The following TACR3 variants were observed in gnomAD, a reference collection of about 807,000 sequenced individuals.
TACR3 encodes tachykinin receptor 3, also known as neuromedin-K receptor.
In TACR3, 34 loss-of-function variants were observed where a neutral mutation model predicts 35.0. The observed-to-expected ratio is 0.97, with a 90% CI of 0.74 to 1.30. TACR3 has a LOEUF of 1.30. Ranked by LOEUF, TACR3 falls within the 50% of genes most tolerant of loss-of-function variation. TACR3 has a pLI of 0.00. For missense variants in TACR3, 558 were observed against 591.7 expected, an observed-to-expected ratio of 0.94 and a Z score of 0.59; for synonymous variants, 233 against 221.1, an observed-to-expected ratio of 1.05 and a Z score of -0.48.
At chr4:103,660,541 C>T (rs183714653) in intron 1 of TACR3, among the ~76,000 whole-genome samples, 39 of 152,052 alleles carry the variant, frequency 2.6e-4, no homozygotes, top group Admixed American at 2.6e-3. Flanking sequence ...CACACACACA[C>T]ACACACAACA....
intron 1 of TACR3, among the ~76,000 whole-genome samples, chr4:103,691,577 G>C (rs561088979): frequency 2.0e-5 from 3 of 152,096 alleles, no homozygotes; most frequent in Non-Finnish European, 4.4e-5. Flanking sequence ...CTGTATGTTG[G>C]CAGCAGGCCC....
At chr4:103,650,544 TAAAATAAATTTAATAAA>T (rs1725570128) in intron 3 of TACR3, among the ~76,000 whole-genome samples, 43 of 124,564 alleles carry the variant, frequency 3.5e-4, no homozygotes, top group African/African-American at 1.1e-3. Context: ...TATAAATATA[TAAAATAAATTTAATAAA>T]ATAAATATAT....
intron 3 of TACR3, among the ~76,000 whole-genome samples, chr4:103,633,701 G>T (rs1196261076): frequency 2.0e-5 from 3 of 152,030 alleles, no homozygotes; most frequent in Non-Finnish European, 4.4e-5. Context: ...TAGAATAATA[G>T]TCTCTAACCT....
chr4:103,616,902 C>T (rs1340173570), intron 3 of TACR3, among the ~76,000 whole-genome samples: 1 of 152,150 alleles, frequency 6.6e-6, no homozygotes, highest in African/African-American at 2.4e-5. Context: ...GAGCCATGAT[C>T]AGGCCACTGC....
intron 1 of TACR3, among the ~76,000 whole-genome samples, chr4:103,715,785 G>A (rs984409838): frequency 3.9e-5 from 6 of 151,986 alleles, no homozygotes; most frequent in African/African-American, 1.5e-4. Flanking sequence ...CATACATCAA[G>A]TACTATATGC....
intron 1 of TACR3, among the ~76,000 whole-genome samples, chr4:103,673,742 C>A (rs888323800): frequency 2.6e-5 from 4 of 152,206 alleles, no homozygotes; most frequent in South Asian, 2.1e-4. Context: ...GTAAAAAGCA[C>A]AATATCTGCA....
intron 3 of TACR3, among the ~76,000 whole-genome samples, chr4:103,639,308 G>T (rs1294449174): frequency 1.3e-5 from 2 of 152,044 alleles, no homozygotes; most frequent in African/African-American, 4.8e-5. Flanking sequence ...GGATGAAACT[G>T]GAAACCATCA....
At chr4:103,668,844 G>C (rs1199397861) in intron 1 of TACR3, among the ~76,000 whole-genome samples, 1 of 121,420 alleles carries the variant, frequency 8.2e-6, no homozygotes, top group Non-Finnish European at 1.6e-5. Context: ...GTGAGACTCT[G>C]TCTCAAAAAA....
rs887098369 is a variant in TACR3, at chr4:103,639,736, G to A, written c.888+16458C>T. 5.9e-5 allele frequency among the ~76,000 whole-genome samples: 9 copies of A among 151,980 alleles called. No individual in the cohort carries two copies. The East Asian group carries it at 9.7e-4, about 16-fold the overall frequency. On this transcript the variant is annotated intron_variant, in intron 3 of 4. Coordinates refer to ENST00000304883, the MANE Select transcript of TACR3 (RefSeq NM_001059.3). ...CACATTCTCTAGAATCAGACTTTCT[G>A]GGTTCAAATCCTGACTCTATTGTTA...
intron 3 of TACR3, among the ~76,000 whole-genome samples, chr4:103,632,688 G>T (rs1000576719): frequency 2.0e-5 from 3 of 150,700 alleles, no homozygotes; most frequent in African/African-American, 7.3e-5. Flanking sequence ...AAGAAATATT[G>T]TCATTTTATA....
chr4:103,610,382 A>G (rs980997987), intron 3 of TACR3, among the ~76,000 whole-genome samples: 26 of 152,010 alleles, frequency 1.7e-4, no homozygotes, highest in African/African-American at 5.3e-4. Flanking sequence ...AGTGATGTTG[A>G]GCATTGTTTT....
chr4:103,594,430 G>C (rs1219358825), intron 3 of TACR3, among the ~76,000 whole-genome samples: 1 of 152,040 alleles, frequency 6.6e-6, no homozygotes, highest in Non-Finnish European at 1.5e-5. Context: ...ACCCACCTCG[G>C]CCTCCCAAAA....
chr4:103,678,793 CTTT>C lies in TACR3; in HGVS notation c.549-20393_549-20391del, dbSNP rs199845821. On this transcript the variant is annotated intron_variant, in intron 1 of 4. Coordinates refer to ENST00000304883, the MANE Select transcript of TACR3 (RefSeq NM_001059.3). ...ACACTTAGAAAATAAAAGGTAGTTGCTTTTTTTTTTTTTAACAGCTGCTTCTCT... is the reference window on the plus strand; with the variant it reads ...ACACTTAGAAAATAAAAGGTAGTTGCTTTTTTTTTTAACAGCTGCTTCTCT... 1.3e-4 allele frequency among the ~76,000 whole-genome samples: 19 copies of C among 142,632 alleles called. No individual in the cohort carries two copies. In the East Asian group the frequency reaches 1.8e-3, roughly 14 times the overall value. The allele number at this position is 142,632 out of a possible 152,430, so 93.6% of individuals were successfully genotyped here. A position where few individuals can be genotyped will look rare whatever the true frequency, so the allele number is the denominator to read the frequency against.
intron 1 of TACR3, among the ~76,000 whole-genome samples, chr4:103,710,631 A>G (rs984841865): frequency 6.6e-6 from 1 of 151,936 alleles, no homozygotes; most frequent in Non-Finnish European, 1.5e-5. Context: ...AGGCAAGAAA[A>G]AACTAAGATC....
chr4:103,719,553 C>A lies in TACR3; in HGVS notation c.123G>T (p.Trp41Cys), dbSNP rs779330311. 9 of 1,607,756 alleles carry A rather than the reference C, an allele frequency of 5.6e-6. No individual in the cohort carries two copies. Among genetic ancestry groups the A allele is most frequent in the Non-Finnish European group, 6.8e-6 (8 of 1,175,492 alleles). The change falls in exon 1 of 5, where the codon TGG (tryptophan) becomes TGT (cysteine). Residue 41 changes from tryptophan to cysteine, a missense_variant. Transcript: ENST00000304883. ...GAATGAVETG[W>C]LQLLDQAGNL... is the part of the protein sequence containing the mutation. ...TGCCAGCTTGGTCCAGCAGTTGCAG[C>A]CACCCAGTCTCAACTGCCCCCGTGG...
intron 1 of TACR3, among the ~76,000 whole-genome samples, chr4:103,679,772 G>GT (rs1386631228): frequency 6.6e-6 from 1 of 151,878 alleles, no homozygotes; most frequent in Non-Finnish European, 1.5e-5. Context: ...GCAGGGAAAG[G>GT]TAAGTAGAAT....
intron 3 of TACR3, among the ~76,000 whole-genome samples, chr4:103,628,539 G>GA (rs1304835026): frequency 1.3e-5 from 2 of 152,110 alleles, no homozygotes; most frequent in Non-Finnish European, 2.9e-5. Context: ...AAATAAACTA[G>GA]AAAATCTAGA....
chr4:103,591,573 G>T lies in TACR3; in HGVS notation c.999C>A (p.Tyr333Ter). The change falls in exon 4 of 5, where the codon TAC (tyrosine) becomes TAA (stop). Residue 333 changes from tyrosine (Y) to a stop codon, truncating the protein, a stop_gained. Transcript: ENST00000304883. LOFTEE classifies it high-confidence loss of function. ...AIYQQLNRWK[Y>*]IQQVYLASFW... is the part of the protein sequence containing the mutation. Reference sequence around the variant, plus strand: ...AGCTAGCCAGGTAGACCTGCTGGATGTATTTCCATCTATTTAGTTGTTGAT... The same window carrying T: ...AGCTAGCCAGGTAGACCTGCTGGATTTATTTCCATCTATTTAGTTGTTGAT... 4.3e-6 allele frequency: 7 copies of T among 1,613,872 alleles called. No homozygotes were observed. Among genetic ancestry groups the T allele is most frequent in the Non-Finnish European group, 5.1e-6 (6 of 1,179,868 alleles).
chr4:103,598,909 T>A (rs1347562769), intron 3 of TACR3, among the ~76,000 whole-genome samples: 1 of 152,228 alleles, frequency 6.6e-6, no homozygotes, highest in East Asian at 1.9e-4. Flanking sequence ...CTTTGTTCTT[T>A]TGGCTTAGGA....
Sources: gnomAD v4.1 joint callset for allele counts (sites outside exome capture counted in the v4.1 genomes callset) on GRCh38, gnomAD v4.1.1 for gene constraint, MANE v1.5 for transcripts, NCBI Gene and HGNC (gene_info 2026-07-23, HGNC 2026-07-21) for gene names.